SLC30A6: variants seen among roughly 807,000 people sequenced by gnomAD.
The protein encoded by SLC30A6 is zinc transporter 6.
Under a neutral mutation model 63.0 loss-of-function variants are expected in SLC30A6, and 55 were observed. That is an observed-to-expected ratio of 0.87 (90% CI 0.70 to 1.09). The LOEUF (loss-of-function observed/expected upper bound fraction) is 1.09, where lower values mean the gene tolerates loss of function less well. Ranked by LOEUF, SLC30A6 falls within the 50% of genes least tolerant of loss-of-function variation. SLC30A6 has a pLI of 0.00. For missense variants in SLC30A6, 587 were observed against 549.2 expected (o/e 1.07, Z -0.69); for synonymous variants, 224 against 186.1 (o/e 1.20, Z -1.66).
chr2:32,165,943 A>G lies in SLC30A6; in HGVS notation c.3+40A>G, dbSNP rs1353527963. On this transcript the variant is annotated intron_variant, in intron 1 of 13. Transcript: ENST00000282587. Reference sequence around the variant, plus strand: ...GGGGTGAGGGTTTCGGCTGTAGCTGATTCGGTTTATCTTATTTGGTCCCGA... The same window carrying G: ...GGGGTGAGGGTTTCGGCTGTAGCTGGTTCGGTTTATCTTATTTGGTCCCGA... 2.5e-6 allele frequency: 4 copies of G among 1,613,972 alleles called. 1 individual carries two copies. In the South Asian group the frequency reaches 3.3e-5, roughly 13 times the overall value.
rs941783465 is a variant in SLC30A6 at position 32,222,365 on chromosome 2, C to T, written c.*1652C>T. 6.6e-5 allele frequency: 10 copies of T among 152,252 alleles called. No homozygotes were observed. The highest frequency in any genetic ancestry group is 2.6e-4 in the Admixed American group (4 of 15,288). The allele number at this position is 152,252 out of a possible 1,614,324, so 9.4% of individuals were successfully genotyped here. On this transcript the variant is annotated 3_prime_UTR_variant, in exon 14 of 14. Coordinates refer to ENST00000282587, the MANE Select transcript of SLC30A6 (RefSeq NM_017964.5). ...TGCTCCTGGAGATTTATGACTTTCC[C>T]AGCCATCAGCCAGCTATCTAGAGAA...
chr2:32,187,201 C>T (rs919282187), intron 5 of SLC30A6: 1 of 471,034 alleles, frequency 2.1e-6, no homozygotes, highest in Admixed American at 2.3e-5. Flanking sequence ...CACTTTTCTC[C>T]ACCAATCCGA....
intron 4 of SLC30A6, among the ~76,000 whole-genome samples, chr2:32,176,250 A>G (rs1270658629): frequency 6.6e-6 from 1 of 152,244 alleles, no homozygotes; most frequent in Non-Finnish European, 1.5e-5. Context: ...AGAAATGCAA[A>G]TTAAAATTAC....
intron 10 of SLC30A6, among the ~76,000 whole-genome samples, chr2:32,201,333 C>G (rs556907681): frequency 5.3e-5 from 8 of 152,276 alleles, no homozygotes; most frequent in Non-Finnish European, 4.4e-5. Flanking sequence ...TTGATGTTGA[C>G]TACAGTGTTA....
chr2:32,205,200 C>T (rs2148884563), intron 11 of SLC30A6, among the ~76,000 whole-genome samples: 1 of 152,256 alleles, frequency 6.6e-6, no homozygotes, highest in East Asian at 1.9e-4. Flanking sequence ...GCGGGCAGAT[C>T]ACAATGTCAG....
intron 11 of SLC30A6, among the ~76,000 whole-genome samples, chr2:32,204,924 C>A (rs928063024): frequency 6.6e-6 from 1 of 151,464 alleles, no homozygotes. Context: ...AAGGACCCTC[C>A]CACCTCAGTC....
intron 1 of SLC30A6, 142 bp downstream of exon 1, chr2:32,166,045 G>A: frequency 8.0e-7 from 1 of 1,248,898 alleles, no homozygotes; most frequent in Non-Finnish European, 1.2e-6. Flanking sequence ...AGGAGCGGCT[G>A]TCTCCCAAAA....
chr2:32,200,698 C>T (rs1684211298), intron 10 of SLC30A6, among the ~76,000 whole-genome samples: 1 of 151,744 alleles, frequency 6.6e-6, no homozygotes, highest in African/African-American at 2.4e-5. Context: ...TCTCAAGTAC[C>T]CAGGGACACA....
chr2:32,217,046 G>A (rs147092575), intron 13 of SLC30A6, among the ~76,000 whole-genome samples: 497 of 151,130 alleles, frequency 3.3e-3, no homozygotes, highest in African/African-American at 0.012. Context: ...TTGCCACCAC[G>A]CCCGGCAAAT....
chr2:32,205,225 C>G (rs1684647667), intron 11 of SLC30A6, among the ~76,000 whole-genome samples: 1 of 152,076 alleles, frequency 6.6e-6, no homozygotes, highest in African/African-American at 2.4e-5. Flanking sequence ...TCGAGACCAG[C>G]CTGGCCAACA....
intron 10 of SLC30A6, chr2:32,202,542 A>C (rs1444205705): frequency 1.2e-5 from 4 of 338,068 alleles, no homozygotes; most frequent in Non-Finnish European, 2.3e-5. Context: ...CGTGTTAGCC[A>C]GGATGGTCTC....
chr2:32,167,470 T>C (rs1342671509), intron 1 of SLC30A6, among the ~76,000 whole-genome samples: 1 of 152,064 alleles, frequency 6.6e-6, no homozygotes, highest in South Asian at 2.1e-4. Flanking sequence ...GCTGTATTAA[T>C]TGAGCCTTTG....
intron 10 of SLC30A6, chr2:32,203,495 T>G (rs1684475458): frequency 6.2e-7 from 1 of 1,605,300 alleles, no homozygotes; most frequent in African/African-American, 1.3e-5. Flanking sequence ...GGCTGCAGCT[T>G]TAGCCCACAT....
At chr2:32,211,249 A>G (rs1685231129) in intron 13 of SLC30A6, among the ~76,000 whole-genome samples, 1 of 152,144 alleles carries the variant, frequency 6.6e-6, no homozygotes, top group Admixed American at 6.5e-5. Flanking sequence ...TGGGGGACCC[A>G]CCACACTACA....
At chr2:32,204,755 G>C in intron 11 of SLC30A6, 63 bp downstream of exon 11, 1 of 775,868 alleles carries the variant, frequency 1.3e-6, no homozygotes, top group Non-Finnish European at 2.0e-6. Flanking sequence ...AGATTAAAAA[G>C]TTGTATGTGT....
At chr2:32,184,115 G>T (rs1682596342) in intron 4 of SLC30A6, among the ~76,000 whole-genome samples, 158 bp from the exon 5 acceptor site, 1 of 151,970 alleles carries the variant, frequency 6.6e-6, no homozygotes, top group Non-Finnish European at 1.5e-5. Context: ...TAAACTACTA[G>T]AATTAATTAT....
At chr2:32,202,810 C>T in intron 10 of SLC30A6, 1 of 775,830 alleles carries the variant, frequency 1.3e-6, no homozygotes, top group Non-Finnish European at 2.3e-6. Context: ...TGCAAAGTTG[C>T]AAAAAAATGA....
In SLC30A6 at chr2:32,204,603, G is replaced by A. The variant is rs769079285; in HGVS notation, c.679G>A (p.Val227Ile). ...TTTTCCTTTTAGTAATTATTTTGCC[G>A]TAGACACTGCCTCTGCTATAGCTAT... ...MLIEINNYFA[V>I]DTASAIAIAL... The change falls in exon 11 of 14, where the codon GTA (valine) becomes ATA (isoleucine). Residue 227 changes from valine (V) to isoleucine (I), a missense_variant. Coordinates refer to ENST00000282587, the MANE Select transcript of SLC30A6 (RefSeq NM_017964.5). The A allele has an allele frequency of 1.3e-4, 211 of 1,608,914 alleles. No individual in the cohort carries two copies. Among genetic ancestry groups the A allele is most frequent in the Middle Eastern group, 6.6e-4 (4 of 6,050 alleles).
intron 6 of SLC30A6, 83 bp downstream of exon 6, chr2:32,192,499 T>G: frequency 8.1e-7 from 1 of 1,241,768 alleles, no homozygotes; most frequent in Non-Finnish European, 1.2e-6. Context: ...ACATTTGCTT[T>G]CAAGGGTATG....
Sources: allele counts gnomAD v4.1 joint callset (sites outside exome capture counted in the v4.1 genomes callset), GRCh38; gene constraint gnomAD v4.1.1; transcripts MANE v1.5; gene names NCBI Gene and HGNC (gene_info 2026-07-23, HGNC 2026-07-21).